The following DCUN1D3 variants were observed in gnomAD, a reference collection of about 807,000 sequenced individuals.
DCUN1D3 encodes defective in cullin neddylation 1 domain containing 3.
DCUN1D3 carries 6 observed loss-of-function variants against 24.8 expected under a neutral mutation model. The observed-to-expected ratio is 0.24, with a 90% confidence interval of 0.13 to 0.48. DCUN1D3 has a LOEUF of 0.48. Among genes scored for constraint, DCUN1D3 ranks in the 20% least tolerant of loss-of-function variants. The probability of loss-of-function intolerance (pLI) is 0.99; values close to 1 mark genes in which losing one functional copy is unlikely to be tolerated. For missense variants in DCUN1D3, 258 were observed against 379.4 expected (o/e 0.68, Z 2.66); for synonymous variants, 120 against 144.9 (o/e 0.83, Z 1.24).
At chr16:20,864,054 A>G (rs545433540) in intron 1 of DCUN1D3, among the ~76,000 whole-genome samples, 48 of 152,338 alleles carry the variant, frequency 3.2e-4, no homozygotes, top group Admixed American at 3.1e-3. Flanking sequence ...TCCTGGACAT[A>G]GAACCAGGCA....
chr16:20,890,343 G>T (rs2081886728), intron 1 of DCUN1D3, among the ~76,000 whole-genome samples: 1 of 152,070 alleles, frequency 6.6e-6, no homozygotes, highest in East Asian at 1.9e-4. Flanking sequence ...TAATATGTGG[G>T]ATCTGAGGGT....
At position 20,859,540 on chromosome 16, in the gene DCUN1D3, C is replaced by CAAAAAAAAAAAAAAAAAAAA. The variant is rs61506075; in HGVS notation, c.*345_*346insTTTTTTTTTTTTTTTTTTTT. ...CGCCCTGCTCTATGCCCTCCCCTAC[C>CAAAAAAAAAAAAAAAAAAAA]AAAAAAAAAAAAAAAAAAACAAAAA... is the stretch of plus-strand genomic sequence containing the variant. On this transcript the variant is annotated 3_prime_UTR_variant, in exon 3 of 3. Coordinates refer to ENST00000324344, the MANE Select transcript of DCUN1D3 (RefSeq NM_173475.4). 6.4e-4 allele frequency: 46 copies of CAAAAAAAAAAAAAAAAAAAA among 71,474 alleles called. No individual in the cohort carries two copies. The highest frequency in any genetic ancestry group is 1.9e-3 in the East Asian group (4 of 2,108). 4.4% of individuals were successfully genotyped at this position (71,474 alleles called of 1,614,324 possible).
In DCUN1D3 at chr16:20,880,604, C is replaced by CA. The variant is rs34275241; in HGVS notation, c.-105-17962dup. 8.3e-3 allele frequency among the ~76,000 whole-genome samples: 431 copies of CA among 51,906 alleles called. 49 individuals are homozygous for CA. Among genetic ancestry groups the CA allele is most frequent in the Middle Eastern group, 0.028 (1 of 36 alleles). The allele number at this position is 51,906 out of a possible 152,430, so 34.1% of individuals were successfully genotyped here. A position where few individuals can be genotyped will look rare whatever the true frequency, so the allele number is the denominator to read the frequency against. On this transcript the variant is annotated intron_variant, in intron 1 of 2. Transcript: ENST00000324344. ...AGGGTGACAGAGTAAGACCCTGTCT[C>CA]AAAAAAAAAAAAAAAAAAAAAAAAA...
chr16:20,898,723 G>C (rs1026949421), intron 1 of DCUN1D3, among the ~76,000 whole-genome samples: 11 of 152,136 alleles, frequency 7.2e-5, no homozygotes, highest in African/African-American at 2.7e-4. Flanking sequence ...CAGGACTTAC[G>C]GGCACTTTCT....
At chr16:20,882,802 A>G (rs1450992374) in intron 1 of DCUN1D3, among the ~76,000 whole-genome samples, 1 of 152,236 alleles carries the variant, frequency 6.6e-6, no homozygotes, top group Non-Finnish European at 1.5e-5. Context: ...GAATACAACC[A>G]TGAAAGCATT....
intron 1 of DCUN1D3, among the ~76,000 whole-genome samples, chr16:20,876,364 A>C (rs988342160): frequency 3.3e-5 from 5 of 152,008 alleles, no homozygotes; most frequent in Non-Finnish European, 7.4e-5. Flanking sequence ...GCTCAACATC[A>C]CTAATCATCA....
chr16:20,865,685 A>G (rs2081758422), intron 1 of DCUN1D3, among the ~76,000 whole-genome samples: 1 of 152,182 alleles, frequency 6.6e-6, no homozygotes, highest in Non-Finnish European at 1.5e-5. Context: ...GATCCAAACT[A>G]AAAGATCTTT....
At chr16:20,885,603 C>T (rs551139174) in intron 1 of DCUN1D3, among the ~76,000 whole-genome samples, 1 of 151,798 alleles carries the variant, frequency 6.6e-6, no homozygotes, top group South Asian at 2.1e-4. Flanking sequence ...GCTTCTATTG[C>T]TTAACAGAGA....
At position 20,900,214 on chromosome 16, in the gene DCUN1D3, G is replaced by C. The variant is rs980890782; in HGVS notation, c.-116C>G. 1 of 137,710 alleles carries C rather than the reference G, an allele frequency of 7.3e-6. No homozygotes were observed. The highest frequency in any genetic ancestry group is 1.5e-5 in the Non-Finnish European group (1 of 65,690). The allele number at this position is 137,710 out of a possible 1,614,324, so 8.5% of individuals were successfully genotyped here. ...CTCCCCAAAACTCACAGCTGCTCCA[G>C]AGGTTCCTCCAGTCAAACCCTTTCT... On this transcript the variant is annotated 5_prime_UTR_variant, in exon 1 of 3. Transcript: ENST00000324344.
At chr16:20,872,408 G>T (rs1158363282) in intron 1 of DCUN1D3, among the ~76,000 whole-genome samples, 2 of 151,790 alleles carry the variant, frequency 1.3e-5, no homozygotes, top group Non-Finnish European at 2.9e-5. Context: ...GGAGCCAAAG[G>T]CCTCTAAGTA....
At chr16:20,891,190 C>T (rs2081890753) in intron 1 of DCUN1D3, among the ~76,000 whole-genome samples, 1 of 151,956 alleles carries the variant, frequency 6.6e-6, no homozygotes, top group Non-Finnish European at 1.5e-5. Flanking sequence ...GATGGGGTTT[C>T]ACCATCTTGG....
chr16:20,863,178 A>C (rs1567421767), intron 1 of DCUN1D3, among the ~76,000 whole-genome samples: 5 of 152,224 alleles, frequency 3.3e-5, no homozygotes, highest in Admixed American at 2.6e-4. Flanking sequence ...CCAAGCAGCA[A>C]AATGAAATTT....
chr16:20,899,205 T>C (rs1596645705), intron 1 of DCUN1D3, among the ~76,000 whole-genome samples: 2 of 152,128 alleles, frequency 1.3e-5, no homozygotes, highest in African/African-American at 4.8e-5. Context: ...TCATGAAAAG[T>C]GGGTGGAGAG....
chr16:20,897,032 T>C (rs891199503), intron 1 of DCUN1D3, among the ~76,000 whole-genome samples: 11 of 152,080 alleles, frequency 7.2e-5, no homozygotes, highest in African/African-American at 2.2e-4. Context: ...AGGTGACAAG[T>C]CCTCAATTTC....
chr16:20,864,651 G>A (rs2081751799), intron 1 of DCUN1D3, among the ~76,000 whole-genome samples: 2 of 152,136 alleles, frequency 1.3e-5, no homozygotes, highest in South Asian at 2.1e-4. Context: ...CATATACCCA[G>A]ATGAATAAAA....
chr16:20,865,413 A>C (rs1019874050), intron 1 of DCUN1D3, among the ~76,000 whole-genome samples: 1 of 152,224 alleles, frequency 6.6e-6, no homozygotes, highest in African/African-American at 2.4e-5. Context: ...TTTCTGAGCC[A>C]GAAGCGAGGT....
intron 1 of DCUN1D3, among the ~76,000 whole-genome samples, chr16:20,864,821 CGAGA>C (rs2081753152): frequency 1.3e-5 from 2 of 152,016 alleles, no homozygotes; most frequent in African/African-American, 4.8e-5. Context: ...TAAAAAAGAA[CGAGA>C]TCATGTCTTT....
Position 20,860,400 on chromosome 16 carries a change from A to G in DCUN1D3, c.432-31T>C. 1 of 1,587,182 alleles carries G rather than the reference A, an allele frequency of 6.3e-7. No individual in the cohort carries two copies. The highest frequency in any genetic ancestry group is 8.6e-7 in the Non-Finnish European group (1 of 1,167,798). ...ACAGAAAGGAAAAGGACAATTAATC[A>G]TTATAAACTATACTATTTACAGGCA... On this transcript the variant is annotated intron_variant, in intron 2 of 2. Transcript: ENST00000324344. This position sits in a 1 kb window ranked among gnomAD's most constrained non-coding sequence, Gnocchi z 4.3.
chr16:20,898,348 A>AT (rs2081928636), intron 1 of DCUN1D3, among the ~76,000 whole-genome samples: 1 of 152,124 alleles, frequency 6.6e-6, no homozygotes, highest in Admixed American at 6.5e-5. Context: ...TGGGATATAT[A>AT]TTATGTCTCT....
Sources: gnomAD v4.1 joint callset for allele counts (sites outside exome capture counted in the v4.1 genomes callset) on GRCh38, gnomAD v4.1.1 for gene constraint, Gnocchi (gnomAD v3.1) non-coding constraint, MANE v1.5 for transcripts, NCBI Gene and HGNC (gene_info 2026-07-23, HGNC 2026-07-21) for gene names.